Variants in RABGEF1 observed in about 807,000 individuals in gnomAD.
The protein encoded by RABGEF1 is rab5 GDP/GTP exchange factor.
A neutral mutation model predicts 57.3 loss-of-function variants in RABGEF1; 26 were observed. The ratio of observed to expected loss-of-function variants is 0.45; its 90% CI spans 0.33 to 0.63. RABGEF1 has a LOEUF of 0.63. RABGEF1 is among the 20% of genes least tolerant of loss of function. RABGEF1 has a pLI of 0.02. For missense variants in RABGEF1, 464 were observed against 607.6 expected, an observed-to-expected ratio of 0.76 and a Z score of 2.48; for synonymous variants, 185 against 210.7, an observed-to-expected ratio of 0.88 and a Z score of 1.06.
chr7:66,788,140 C>T (rs1811662047), intron 4 of RABGEF1, among the ~76,000 whole-genome samples: 1 of 152,048 alleles, frequency 6.6e-6, no homozygotes, highest in African/African-American at 2.4e-5. Flanking sequence ...TTGGGTATTG[C>T]AGTAGTGCTT....
intron 4 of RABGEF1, among the ~76,000 whole-genome samples, chr7:66,787,388 G>C (rs569204697): frequency 2.6e-4 from 38 of 145,562 alleles, no homozygotes; most frequent in Middle Eastern, 7.3e-3. Flanking sequence ...CTGTTGCCCA[G>C]GCTGTAGTGC....
intron 7 of RABGEF1, among the ~76,000 whole-genome samples, chr7:66,802,215 C>T (rs1198610803): frequency 6.6e-6 from 1 of 152,142 alleles, no homozygotes; most frequent in Non-Finnish European, 1.5e-5. Flanking sequence ...TTAAATGTCA[C>T]AGCTGTGGGA....
intron 1 of RABGEF1, among the ~76,000 whole-genome samples, chr7:66,688,581 G>A (rs1791059655): frequency 6.6e-6 from 1 of 152,156 alleles, no homozygotes. Flanking sequence ...TAATCGTCAT[G>A]GAATGAAACT....
rs1308177762 is a variant in RABGEF1 at position 66,767,435 on chromosome 7, A to T, written c.-17-4448A>T. 2.6e-5 allele frequency among the ~76,000 whole-genome samples: 4 copies of T among 152,268 alleles called. No individual in the cohort carries two copies. In the East Asian group the frequency reaches 5.8e-4, roughly 22 times the overall value. On this transcript the variant is annotated intron_variant, in intron 1 of 8. Coordinates refer to ENST00000284957, the MANE Select transcript of RABGEF1 (RefSeq NM_014504.3). The stretch of plus-strand genomic sequence containing the variant: ...GAATACAGAACAGTTTCATCACCCC[A>T]AAAAACTTTCTCGTGCTAATCCTTT...
intron 6 of RABGEF1, among the ~76,000 whole-genome samples, chr7:66,798,535 C>G (rs1314129990): frequency 4.6e-5 from 7 of 152,136 alleles, no homozygotes; most frequent in Admixed American, 4.6e-4. Context: ...AGAACAGAAG[C>G]AGTAACCAAG....
At chr7:66,763,887 A>T (rs1157745205) in intron 1 of RABGEF1, among the ~76,000 whole-genome samples, 1 of 152,148 alleles carries the variant, frequency 6.6e-6, no homozygotes, top group Non-Finnish European at 1.5e-5. Flanking sequence ...TCATCAGTTG[A>T]TGTACATTTG....
chr7:66,701,453 T>G (rs1232951345), intron 1 of RABGEF1, among the ~76,000 whole-genome samples: 1 of 151,170 alleles, frequency 6.6e-6, no homozygotes, highest in Non-Finnish European at 1.5e-5. Context: ...GAGCTGTGAT[T>G]GTACCAGCAC....
intron 1 of RABGEF1, among the ~76,000 whole-genome samples, chr7:66,704,956 A>G (rs764228942): frequency 3.3e-5 from 5 of 151,910 alleles, no homozygotes; most frequent in East Asian, 3.9e-4. Flanking sequence ...CAAAATGGCT[A>G]TACCAATTTG....
At chr7:66,720,200 T>A (rs74468089) in intron 2 of RABGEF1, among the ~76,000 whole-genome samples, 4,666 of 141,384 alleles carry the variant, frequency 0.033, 108 homozygotes, top group Admixed American at 0.047. Context: ...TATTATTTTT[T>A]TTTTTTTTTC....
In RABGEF1 at chr7:66,808,583, T is replaced by C. The variant is rs1446732198; in HGVS notation, c.1078-303T>C. Among the ~76,000 whole-genome samples the C allele has an allele frequency of 2.6e-5, 4 of 152,132 alleles. No homozygotes were observed. In the East Asian group the frequency reaches 7.7e-4, roughly 29 times the overall value. ...GGATCAGAGGTCTGTGTGCCACACC[T>C]ACTTGGGGACTATATCCTGGGTGGG... On this transcript the variant is annotated intron_variant, in intron 8 of 8. Transcript: ENST00000284957.
chr7:66,757,756 C>T (rs530851858), intron 1 of RABGEF1, among the ~76,000 whole-genome samples: 41 of 152,272 alleles, frequency 2.7e-4, no homozygotes, highest in African/African-American at 9.1e-4. Flanking sequence ...GGACTACAGG[C>T]GCCTGCCACC....
chr7:66,740,394 A>G (rs1798625034), upstream of RABGEF1: 1 of 152,274 alleles, frequency 6.6e-6, no homozygotes, highest in African/African-American at 2.4e-5. Context: ...CCGCGGCCGC[A>G]GCCCCAGGAG....
chr7:66,709,382 T>C (rs1292145994), intron 1 of RABGEF1, among the ~76,000 whole-genome samples: 1 of 152,186 alleles, frequency 6.6e-6, no homozygotes, highest in Non-Finnish European at 1.5e-5. Context: ...AATAAGAGTA[T>C]TGTAATTTTC....
the RABGEF1 span, among the ~76,000 whole-genome samples, chr7:66,664,042 C>T: frequency 1.4e-5 from 2 of 142,332 alleles, no homozygotes; most frequent in African/African-American, 2.6e-5. Context: ...CTACTGCACT[C>T]GAGCCTGGGT....
intron 1 of RABGEF1, among the ~76,000 whole-genome samples, chr7:66,743,730 T>A (rs1799542272): frequency 6.6e-6 from 1 of 152,178 alleles, no homozygotes; most frequent in African/African-American, 2.4e-5. Flanking sequence ...CTCAATCTCC[T>A]GACCTCGTGA....
chr7:66,753,584 A>T (rs991104901), intron 1 of RABGEF1, among the ~76,000 whole-genome samples: 1 of 151,654 alleles, frequency 6.6e-6, no homozygotes, highest in Non-Finnish European at 1.5e-5. Flanking sequence ...TCTGTGTTCC[A>T]GTTGGGGTAG....
chr7:66,664,530 G>A, the RABGEF1 span, among the ~76,000 whole-genome samples: 1 of 151,962 alleles, frequency 6.6e-6, no homozygotes, highest in Non-Finnish European at 1.5e-5. Flanking sequence ...CTTGAGCCCA[G>A]GAGGTTGAGG....
chr7:66,785,900 C>T (rs971451699), intron 4 of RABGEF1, among the ~76,000 whole-genome samples: 4 of 151,914 alleles, frequency 2.6e-5, no homozygotes, highest in Non-Finnish European at 4.4e-5. Context: ...AGTCTTTGTA[C>T]TCAGTTCTTC....
chr7:66,703,752 T>G (rs141198009), intron 1 of RABGEF1, among the ~76,000 whole-genome samples: 1 of 152,374 alleles, frequency 6.6e-6, no homozygotes, highest in African/African-American at 2.4e-5. Flanking sequence ...CTTTGTTCTT[T>G]TTCAAGACTG....
Sources: gnomAD v4.1 joint callset for allele counts (sites outside exome capture counted in the v4.1 genomes callset) on GRCh38, gnomAD v4.1.1 for gene constraint, MANE v1.5 for transcripts, NCBI Gene and HGNC (gene_info 2026-07-23, HGNC 2026-07-21) for gene names.